The following BEGAIN variants were observed in gnomAD, a reference collection of about 807,000 sequenced individuals.
BEGAIN encodes brain-enriched guanylate kinase-associated protein.
In BEGAIN, 19 loss-of-function variants were observed where a neutral mutation model predicts 35.8. The ratio of observed to expected loss-of-function variants is 0.53; its 90% CI spans 0.37 to 0.78. The LOEUF (loss-of-function observed/expected upper bound fraction) is 0.78, where lower values mean the gene tolerates loss of function less well. BEGAIN is among the 30% of genes least tolerant of loss of function. The probability of loss-of-function intolerance (pLI) is 0.00; values close to 1 mark genes in which losing one functional copy is unlikely to be tolerated. For synonymous variants in BEGAIN, 462 were observed against 388.6 expected, an observed-to-expected ratio of 1.19 and a Z score of -2.22; for missense variants, 795 against 853.6, an observed-to-expected ratio of 0.93 and a Z score of 0.85.
Position 100,540,489 on chromosome 14 carries a change from A to G in BEGAIN, c.492+7T>C. On this transcript the variant is annotated splice_region_variant and intron_variant, in intron 6 of 6. Transcript: ENST00000554140. ...GCGGGGTGGGCCTGGCTGCGGGGCC[A>G]CGTTACCTCAGACACCTTGTGGACC... 3 of 1,587,032 alleles carry G rather than the reference A, an allele frequency of 1.9e-6. No individual in the cohort carries two copies. Among genetic ancestry groups the G allele is most frequent in the South Asian group, 1.1e-5 (1 of 87,768 alleles).
chr14:100,538,120 G>A lies in BEGAIN; in HGVS notation c.1688C>T (p.Ser563Phe). The stretch of plus-strand genomic sequence containing the variant: ...GGCCTCCATGGAGCTCGGCTCCAAG[G>A]AGTCCCTGGAACCCTGCTCGGGCTC... Reference protein sequence around the residue: ...SPEPEQGSRDSLEPSSMEASP... With the variant: ...SPEPEQGSRDFLEPSSMEASP... Residue 563 changes from serine to phenylalanine, a missense_variant, in exon 7 of 7, where the codon TCC becomes TTC. Physicochemically the swap from Ser to Phe is radical, Grantham distance 155. Coordinates refer to ENST00000554140, the MANE Select transcript of BEGAIN (RefSeq NM_001385089.1). 1 of 1,561,622 alleles carries A rather than the reference G, an allele frequency of 6.4e-7. No individual in the cohort carries two copies. Among genetic ancestry groups the A allele is most frequent in the East Asian group, 2.3e-5 (1 of 43,884 alleles).
chr14:100,582,379 G>A (rs1313014430), intron 1 of BEGAIN, among the ~76,000 whole-genome samples: 2 of 152,116 alleles, frequency 1.3e-5, no homozygotes, highest in Non-Finnish European at 1.5e-5. Context: ...TCCTGACCTC[G>A]TGATCGGCCC....
At chr14:100,540,823 C>T (rs1197456766) in intron 5 of BEGAIN, among the ~76,000 whole-genome samples, 3 of 152,232 alleles carry the variant, frequency 2.0e-5, no homozygotes, top group Non-Finnish European at 4.4e-5. Context: ...CTAGCTGGTG[C>T]CCTTGAGCAC....
intron 2 of BEGAIN, among the ~76,000 whole-genome samples, chr14:100,565,239 A>G (rs1297797923): frequency 6.6e-6 from 1 of 152,202 alleles, no homozygotes; most frequent in Non-Finnish European, 1.5e-5. Context: ...GACAGGGAAG[A>G]CACAGAGTTT....
At position 100,563,282 on chromosome 14, in the gene BEGAIN, C is replaced by T. The variant is rs2034430071; in HGVS notation, c.71+4629G>A. Among the ~76,000 whole-genome samples the T allele has an allele frequency of 6.6e-6, 1 of 152,230 alleles. No homozygotes were observed. The highest frequency in any genetic ancestry group is 1.5e-5 in the Non-Finnish European group (1 of 68,046). ...AAGGAGCTCAACCTTGACCTCTAAC[C>T]ACATGCAAACCCAAGTTCAAGTGGA... On this transcript the variant is annotated intron_variant, in intron 2 of 6. Coordinates refer to ENST00000554140, the MANE Select transcript of BEGAIN (RefSeq NM_001385089.1). This position sits in a 1 kb window ranked among gnomAD's most constrained non-coding sequence, Gnocchi z 4.2.
intron 1 of BEGAIN, among the ~76,000 whole-genome samples, chr14:100,582,026 G>A (rs1377126917): frequency 6.6e-6 from 1 of 152,278 alleles, no homozygotes; most frequent in Admixed American, 6.5e-5. Context: ...GGGGTCTCGG[G>A]TAAACCCCCA....
At position 100,558,119 on chromosome 14, in the gene BEGAIN, G is replaced by A. The variant is rs780616475; in HGVS notation, c.71+9792C>T. On this transcript the variant is annotated intron_variant, in intron 2 of 6. Transcript: ENST00000554140. This position sits in a 1 kb window ranked among gnomAD's most constrained non-coding sequence, Gnocchi z 4.6. ...TGGTCATTCTCTGGCAGGCAAACTC[G>A]TGGTTGCTCTTCCCATATTGAGAAC... Among the ~76,000 whole-genome samples the A allele has an allele frequency of 1.3e-5, 2 of 152,044 alleles. No homozygotes were observed. Among genetic ancestry groups the A allele is most frequent in the Admixed American group, 6.5e-5 (1 of 15,282 alleles).
At chr14:100,549,902 A>G (rs550790709) in intron 2 of BEGAIN, 516 of 152,488 alleles carry the variant, frequency 3.4e-3, no homozygotes, top group Middle Eastern at 0.01. Context: ...CTTAGCAGAC[A>G]TACAGGGAGG....
intron 1 of BEGAIN, chr14:100,569,230 T>TGGGGGAAGGAATTTC (rs2034979155): frequency 6.6e-6 from 1 of 151,266 alleles, no homozygotes; most frequent in Non-Finnish European, 1.5e-5. Context: ...TCGGCTGGGG[T>TGGGGGAAGGAATTTC]GGGGGAAGGA....
chr14:100,538,800 C>T lies in BEGAIN; in HGVS notation c.1008G>A (p.Thr336=), dbSNP rs368095998. The T allele has an allele frequency of 6.9e-6, 11 of 1,599,900 alleles. No individual in the cohort carries two copies. In the African/African-American group the frequency reaches 1.2e-4, roughly 18 times the overall value. ...SEEKEHAQAS[T]LTASQQAIYL... is the part of the protein sequence containing the mutation. ...AGATGGCCTGCTGCGACGCGGTCAG[C>T]GTGCTGGCCTGCGCGTGCTCCTTCT... The change falls in exon 7 of 7, where the codon ACG becomes ACA. Residue 336 remains threonine, a synonymous_variant. Transcript: ENST00000554140.
Position 100,558,359 on chromosome 14 carries a change from C to T in BEGAIN, c.71+9552G>A, listed in dbSNP as rs2033943494. Among the ~76,000 whole-genome samples, 1 of 152,204 alleles carries T rather than the reference C, an allele frequency of 6.6e-6. No individual in the cohort carries two copies. Among genetic ancestry groups the T allele is most frequent in the Non-Finnish European group, 1.5e-5 (1 of 68,032 alleles). ...CACATGCTGCCTCTCCCTGCTCCCGCACCTCCCACCCTCACTGCGCTCTCC... is the reference window on the plus strand; with the variant it reads ...CACATGCTGCCTCTCCCTGCTCCCGTACCTCCCACCCTCACTGCGCTCTCC... On this transcript the variant is annotated intron_variant, in intron 2 of 6. Transcript: ENST00000554140. This position sits in a 1 kb window ranked among gnomAD's most constrained non-coding sequence, Gnocchi z 4.6.
In BEGAIN at chr14:100,538,311, G is replaced by T; in HGVS notation, c.1497C>A (p.Asp499Glu). Residue 499 changes from aspartate (D) to glutamate (E), a missense_variant, in exon 7 of 7, where the codon GAC (aspartate) becomes GAA (glutamate). Physicochemically the swap from Asp to Glu is conservative, Grantham distance 45 (BLOSUM62 2). This residue lies in a region of BEGAIN where 664 missense variants were observed against 647.7 expected (regional missense o/e 1.03). Transcript: ENST00000554140. ...SYKADSFSEG[D>E]DLSQGHLAEP... is the part of the protein sequence containing the mutation. ...CTGCCAGGTGGCCCTGGGAGAGGTC[G>T]TCCCCCTCGGAGAAGCTGTCGGCCT... is the stretch of plus-strand genomic sequence containing the variant. 1 of 1,526,128 alleles carries T rather than the reference G, an allele frequency of 6.6e-7. No homozygotes were observed. The highest frequency in any genetic ancestry group is 2.3e-5 in the East Asian group (1 of 43,000). The allele number at this position is 1,526,128 out of a possible 1,614,324, so 94.5% of individuals were successfully genotyped here.
chr14:100,550,361 G>A (rs2033064081), intron 2 of BEGAIN: 1 of 398,900 alleles, frequency 2.5e-6, no homozygotes, highest in East Asian at 3.6e-5. Flanking sequence ...ACACGGGACA[G>A]ATGTCTGGGG....
At chr14:100,577,238 CG>C (rs2035222012) in intron 1 of BEGAIN, 1 of 398,332 alleles carries the variant, frequency 2.5e-6, no homozygotes, top group Non-Finnish European at 4.4e-6. Flanking sequence ...GGAGGGAACT[CG>C]GAGCAGGTCA....
At chr14:100,546,031 C>T (rs1475641093) in intron 3 of BEGAIN, 2 of 155,600 alleles carry the variant, frequency 1.3e-5, no homozygotes, top group Non-Finnish European at 1.4e-5. Flanking sequence ...TTGAGGGAGT[C>T]CAGCACAACT....
At position 100,537,908 on chromosome 14, in the gene BEGAIN, GC is replaced by G. The variant is rs1358420694; in HGVS notation, c.*60del. On this transcript the variant is annotated 3_prime_UTR_variant, in exon 7 of 7. Transcript: ENST00000554140. ...CGGGGGCTGGGGAGAGGTGAGGCCG[GC>G]CCTTCTGGGGCACGTGGGCTGGCGG... 3 of 1,533,710 alleles carry G rather than the reference GC, an allele frequency of 2.0e-6. No individual in the cohort carries two copies. Among genetic ancestry groups the G allele is most frequent in the East Asian group, 4.7e-5 (2 of 42,378 alleles).
In BEGAIN at chr14:100,540,303, G is replaced by A. The variant is rs940361282; in HGVS notation, c.492+193C>T. ...CTCTGGTGAGGGCCAGGGGCTGCCC[G>A]GCTGCGTGAGGTGGGGTGCCTTTGG... On this transcript the variant is annotated intron_variant, in intron 6 of 6. Transcript: ENST00000554140. 2.7e-5 allele frequency: 16 copies of A among 592,224 alleles called. No homozygotes were observed. In the East Asian group the frequency reaches 3.6e-4, roughly 13 times the overall value. The allele number at this position is 592,224 out of a possible 1,614,324, so 36.7% of individuals were successfully genotyped here. A position where few individuals can be genotyped will look rare whatever the true frequency, so the allele number is the denominator to read the frequency against.
chr14:100,579,263 T>C (rs925458540), intron 1 of BEGAIN, among the ~76,000 whole-genome samples: 5 of 152,202 alleles, frequency 3.3e-5, no homozygotes, highest in Non-Finnish European at 2.9e-5. Context: ...TCTCCAATGA[T>C]ATACAGGGTT....
chr14:100,573,683 A>T lies in BEGAIN; in HGVS notation c.43-5744T>A, dbSNP rs189445573. 1.8e-4 allele frequency among the ~76,000 whole-genome samples: 28 copies of T among 152,206 alleles called. No individual in the cohort carries two copies. The highest frequency in any genetic ancestry group is 3.5e-4 in the Non-Finnish European group (24 of 67,982). On this transcript the variant is annotated intron_variant, in intron 1 of 6. Coordinates refer to ENST00000554140, the MANE Select transcript of BEGAIN (RefSeq NM_001385089.1). This position sits in a 1 kb window ranked among gnomAD's most constrained non-coding sequence, Gnocchi z 4.2. Reference sequence around the variant, plus strand: ...GTGACCTCATGTTGAGCAGGGGAACATGGGGAATTCAGGGCTGGTGGTGCC... The same window carrying T: ...GTGACCTCATGTTGAGCAGGGGAACTTGGGGAATTCAGGGCTGGTGGTGCC...
Sources: gnomAD v4.1 joint callset for allele counts (sites outside exome capture counted in the v4.1 genomes callset) on GRCh38, gnomAD v4.1.1 for gene constraint, gnomAD v4.1.1 regional missense constraint, Gnocchi (gnomAD v3.1) non-coding constraint, MANE v1.5 for transcripts, NCBI Gene and HGNC (gene_info 2026-07-23, HGNC 2026-07-21) for gene names.